ADGRA3: variants seen among roughly 807,000 people sequenced by gnomAD.
The protein encoded by ADGRA3 is G-protein coupled receptor 125.
In ADGRA3, 56 loss-of-function variants were observed where a neutral mutation model predicts 119.8. The observed-to-expected ratio is 0.47, with a 90% CI of 0.38 to 0.58. ADGRA3 has a LOEUF of 0.58. Ranked by LOEUF, ADGRA3 falls within the 20% of genes least tolerant of loss-of-function variation. The pLI is 0.00. For missense variants in ADGRA3, 1,516 were observed against 1,649.0 expected (o/e 0.92, Z 1.40); for synonymous variants, 607 against 623.8 (o/e 0.97, Z 0.40).
chr4:22,420,695 A>C (rs1715624287), intron 12 of ADGRA3, 191 bp downstream of exon 12: 3 of 586,694 alleles, frequency 5.1e-6, no homozygotes, highest in African/African-American at 1.9e-5. Flanking sequence ...AAAGGCAAAA[A>C]TGCCTAGGGC....
chr4:22,447,585 A>G (rs1372667873), intron 4 of ADGRA3, 74 bp from the exon 5 acceptor site: 1 of 838,566 alleles, frequency 1.2e-6, no homozygotes, highest in East Asian at 2.6e-5. Flanking sequence ...TATTTTCTAA[A>G]GCATCCTACA....
At chr4:22,411,063 T>A (rs1414388613) in intron 14 of ADGRA3, among the ~76,000 whole-genome samples, 1 of 152,058 alleles carries the variant, frequency 6.6e-6, no homozygotes, top group Non-Finnish European at 1.5e-5. Context: ...TAAACTGGTA[T>A]TAGACTAAAT....
intron 1 of ADGRA3, among the ~76,000 whole-genome samples, chr4:22,498,102 G>A (rs10938904): frequency 0.23 from 34,598 of 151,510 alleles, 4,336 homozygotes; most frequent in African/African-American, 0.3. Context: ...TTAGCCGGGC[G>A]TGCTGGCAGG....
chr4:22,498,255 A>AAAAAT (rs1553882172), intron 1 of ADGRA3, among the ~76,000 whole-genome samples: 2 of 151,332 alleles, frequency 1.3e-5, no homozygotes, highest in African/African-American at 4.9e-5. Context: ...TCACAAACAA[A>AAAAAT]AAATAAATAA....
chr4:22,510,627 C>T (rs190463112), intron 1 of ADGRA3, among the ~76,000 whole-genome samples: 17 of 152,218 alleles, frequency 1.1e-4, no homozygotes, highest in African/African-American at 3.9e-4. Flanking sequence ...CTCCACTATT[C>T]GTCCGATACC....
chr4:22,407,602 T>G (rs1175472873), intron 14 of ADGRA3, among the ~76,000 whole-genome samples: 1 of 152,148 alleles, frequency 6.6e-6, no homozygotes, highest in Non-Finnish European at 1.5e-5. Flanking sequence ...TTAGTTCCTC[T>G]TCTACTCAGT....
chr4:22,421,881 C>CA (rs754845592), intron 11 of ADGRA3, among the ~76,000 whole-genome samples: 1,011 of 70,400 alleles, frequency 0.014, 79 homozygotes, highest in African/African-American at 0.021. Context: ...ACTCAGTCTC[C>CA]AAAAAAAAAA....
chr4:22,435,579 A>C, intron 9 of ADGRA3, 113 bp from the exon 10 acceptor site: 1 of 941,866 alleles, frequency 1.1e-6, no homozygotes, highest in Non-Finnish European at 1.5e-6. Context: ...AAACTTTATT[A>C]TTTACTCATC....
At chr4:22,442,405 T>TA (rs1716650471) in intron 7 of ADGRA3, among the ~76,000 whole-genome samples, 1 of 152,116 alleles carries the variant, frequency 6.6e-6, no homozygotes, top group East Asian at 1.9e-4. Flanking sequence ...CCAAAAACTT[T>TA]AAAAAAGTCT....
At chr4:22,396,734 T>C (rs555454096) in intron 16 of ADGRA3, among the ~76,000 whole-genome samples, 3 of 149,454 alleles carry the variant, frequency 2.0e-5, no homozygotes, top group East Asian at 2.0e-4. Flanking sequence ...ATTATAAACA[T>C]AGAAGAGAAC....
intron 3 of ADGRA3, 39 bp from the exon 4 acceptor site, chr4:22,454,976 C>T (rs375828535): frequency 6.8e-7 from 1 of 1,468,446 alleles, no homozygotes. Context: ...AATTAGTTCT[C>T]TTGGTTAAAG....
intron 1 of ADGRA3, among the ~76,000 whole-genome samples, chr4:22,513,787 C>G (rs937915515): frequency 7.6e-6 from 1 of 131,060 alleles, no homozygotes; most frequent in Non-Finnish European, 1.5e-5. Flanking sequence ...CCTGGGATTA[C>G]AGGTGTGAGC....
intron 16 of ADGRA3, 102 bp from the exon 17 acceptor site, chr4:22,392,792 G>C: frequency 9.8e-7 from 1 of 1,018,746 alleles, no homozygotes; most frequent in Non-Finnish European, 1.4e-6. Flanking sequence ...GAAAGCAGCA[G>C]GAAGGCCTAT....
intron 14 of ADGRA3, among the ~76,000 whole-genome samples, chr4:22,405,196 G>A (rs572119075): frequency 4.8e-4 from 73 of 152,180 alleles, no homozygotes; most frequent in African/African-American, 1.7e-3. Flanking sequence ...ACTAAAAGCC[G>A]ATTTAGTTCT....
At chr4:22,451,128 T>C (rs1717026826) in intron 4 of ADGRA3, among the ~76,000 whole-genome samples, 1 of 151,678 alleles carries the variant, frequency 6.6e-6, no homozygotes, top group African/African-American at 2.4e-5. Context: ...AAGTTGTATG[T>C]ATGTATTTAT....
intron 1 of ADGRA3, among the ~76,000 whole-genome samples, chr4:22,480,161 CAAAGAAG>C (rs1718216020): frequency 6.6e-6 from 1 of 151,906 alleles, no homozygotes; most frequent in African/African-American, 2.4e-5. Context: ...TTTTGCCAAA[CAAAGAAG>C]AAAGAAAAAT....
Position 22,501,208 on chromosome 4 carries a change from A to G in ADGRA3, c.257+14320T>C, listed in dbSNP as rs868554477. Among the ~76,000 whole-genome samples, 6 of 152,318 alleles carry G rather than the reference A, an allele frequency of 3.9e-5. 1 individual carries two copies. Among genetic ancestry groups the G allele is most frequent in the Middle Eastern group, 3.4e-3 (1 of 294 alleles). On this transcript the variant is annotated intron_variant, in intron 1 of 18. Transcript: ENST00000334304. ...TAGCCTATGGGTTCTGTTTCTCTAG[A>G]AAATCTTAATATACCTTTATATTAG...
intron 1 of ADGRA3, among the ~76,000 whole-genome samples, chr4:22,504,155 G>T (rs1351270054): frequency 6.6e-6 from 1 of 151,664 alleles, no homozygotes; most frequent in Non-Finnish European, 1.5e-5. Flanking sequence ...CCCAACCATG[G>T]TGAGTACTCA....
chr4:22,485,835 A>T (rs2109140721), intron 1 of ADGRA3, among the ~76,000 whole-genome samples: 1 of 152,346 alleles, frequency 6.6e-6, no homozygotes, highest in African/African-American at 2.4e-5. Flanking sequence ...AAACTAAGCT[A>T]AATGGCCTTG....
Sources: gnomAD v4.1 joint callset for allele counts (sites outside exome capture counted in the v4.1 genomes callset) on GRCh38, gnomAD v4.1.1 for gene constraint, MANE v1.5 for transcripts, NCBI Gene and HGNC (gene_info 2026-07-23, HGNC 2026-07-21) for gene names.